CYS1: variants seen among roughly 807,000 people sequenced by gnomAD.
CYS1 encodes cystin 1.
A neutral mutation model predicts 9.6 loss-of-function variants in CYS1; 5 were observed. The observed-to-expected ratio is 0.52, with a 90% CI of 0.27 to 1.10. The LOEUF is 1.10. CYS1 is among the 50% of genes least tolerant of loss of function. The pLI is 0.11. For missense variants in CYS1, 221 were observed against 207.9 expected (o/e 1.06, Z -0.39); for synonymous variants, 88 against 95.7 (o/e 0.92, Z 0.47).
chr2:10,074,603 G>A lies in CYS1; in HGVS notation c.318+5303C>T, dbSNP rs533497564. Among the ~76,000 whole-genome samples, 7 of 152,252 alleles carry A rather than the reference G, an allele frequency of 4.6e-5. No homozygotes were observed. The South Asian group carries it at 1.0e-3, about 23-fold the overall frequency. On this transcript the variant is annotated intron_variant, in intron 1 of 2. Coordinates refer to ENST00000381813, the MANE Select transcript of CYS1 (RefSeq NM_001037160.3). Reference sequence around the variant, plus strand: ...TTTCTTTGCAATGCATGTTTTCAATGTCCCCTCATGTGCCTGTGTATTACC... The same window carrying A: ...TTTCTTTGCAATGCATGTTTTCAATATCCCCTCATGTGCCTGTGTATTACC...
rs1436504201 is a variant in CYS1, at chr2:10,065,956, C to T, written c.319G>A (p.Val107Met). 4 of 1,614,072 alleles carry T rather than the reference C, an allele frequency of 2.5e-6. No homozygotes were observed. The highest frequency in any genetic ancestry group is 2.2e-5 in the East Asian group (1 of 44,898). The change falls in exon 2 of 3, where the codon GTG becomes ATG. Residue 107 changes from valine to methionine, a missense_variant and splice_region_variant. Val to Met is a conservative substitution (Grantham distance 21). Transcript: ENST00000381813. ...LRPTAVAGSA[V>M]CAEQSTEGHP... ...CCCTCTGTGCTCTGCTCTGCGCACA[C>T]CTTGAGAAAGATGAAATGAAGAGAC... is the stretch of plus-strand genomic sequence containing the variant.
At position 10,072,062 on chromosome 2, in the gene CYS1, G is replaced by T. The variant is rs139123674; in HGVS notation, c.319-6106C>A. Among the ~76,000 whole-genome samples, 29 of 151,910 alleles carry T rather than the reference G, an allele frequency of 1.9e-4. 1 individual carries two copies. The highest frequency in any genetic ancestry group is 7.0e-4 in the African/African-American group (29 of 41,378). Reference sequence around the variant, plus strand: ...TTTGACTCTTAAAACTAAAGTTTTCGTGAAAATTAAAGTTTCAAAGGTTAC... The same window carrying T: ...TTTGACTCTTAAAACTAAAGTTTTCTTGAAAATTAAAGTTTCAAAGGTTAC... On this transcript the variant is annotated intron_variant, in intron 1 of 2. Transcript: ENST00000381813.
intron 2 of CYS1, among the ~76,000 whole-genome samples, chr2:10,062,906 CAG>C (rs747770058): frequency 5.9e-5 from 9 of 152,216 alleles, no homozygotes; most frequent in Middle Eastern, 3.2e-3. Context: ...CAGCTGCAGA[CAG>C]AAGTTTCTAG....
intron 2 of CYS1, among the ~76,000 whole-genome samples, chr2:10,064,810 C>T (rs1384942940): frequency 2.0e-5 from 3 of 151,970 alleles, no homozygotes; most frequent in African/African-American, 4.8e-5. Context: ...CTCCACCTCC[C>T]GGGTTCAAGT....
intron 1 of CYS1, among the ~76,000 whole-genome samples, chr2:10,069,392 C>T (rs920047726): frequency 5.3e-5 from 8 of 152,040 alleles, no homozygotes; most frequent in South Asian, 4.1e-4. Flanking sequence ...TTTTTTGCGA[C>T]GGAATCTTGC....
At chr2:10,066,060 A>C (rs1661690863) in intron 1 of CYS1, 104 bp from the exon 2 acceptor site, 2 of 1,284,772 alleles carry the variant, frequency 1.6e-6, no homozygotes, top group Non-Finnish European at 2.2e-6. Context: ...CTTTCAACCC[A>C]GGATCCATAA....
chr2:10,072,000 T>C (rs1661774277), intron 1 of CYS1, among the ~76,000 whole-genome samples: 1 of 152,108 alleles, frequency 6.6e-6, no homozygotes, highest in Admixed American at 6.5e-5. Flanking sequence ...GCAGAAAACA[T>C]ATGAGAATGA....
At chr2:10,065,870 G>C (rs1268276141) in intron 2 of CYS1, 34 bp downstream of exon 2, 1 of 1,612,298 alleles carries the variant, frequency 6.2e-7, no homozygotes, top group Non-Finnish European at 8.5e-7. Flanking sequence ...AGAACCCGTG[G>C]CTTCTGGGAG....
At chr2:10,071,953 G>T (rs1359782972) in intron 1 of CYS1, among the ~76,000 whole-genome samples, 1 of 152,180 alleles carries the variant, frequency 6.6e-6, no homozygotes, top group African/African-American at 2.4e-5. Context: ...AGATTCTAGG[G>T]GGGCTTTGGA....
intron 2 of CYS1, among the ~76,000 whole-genome samples, chr2:10,064,506 G>A (rs1462169389): frequency 6.6e-6 from 1 of 151,956 alleles, no homozygotes; most frequent in African/African-American, 2.4e-5. Context: ...TTCTAACATT[G>A]CCCAGAGCCG....
intron 1 of CYS1, among the ~76,000 whole-genome samples, chr2:10,077,162 C>T (rs574665917): frequency 2.0e-4 from 30 of 152,208 alleles, no homozygotes; most frequent in African/African-American, 5.3e-4. Flanking sequence ...CACCACCGCC[C>T]GCCAACCTGG....
intron 1 of CYS1, among the ~76,000 whole-genome samples, chr2:10,077,694 G>A (rs903423683): frequency 1.3e-5 from 2 of 151,972 alleles, no homozygotes; most frequent in African/African-American, 2.4e-5. Flanking sequence ...CCGTGGTGGC[G>A]CACATCTGTA....
rs997875053 is a variant in CYS1 at position 10,057,581 on chromosome 2, C to T, written c.*1272G>A. The T allele has an allele frequency of 6.6e-6, 1 of 152,358 alleles. No individual in the cohort carries two copies. The highest frequency in any genetic ancestry group is 1.5e-5 in the Non-Finnish European group (1 of 68,156). The allele number at this position is 152,358 out of a possible 1,614,324, so 9.4% of individuals were successfully genotyped here. A position where few individuals can be genotyped will look rare whatever the true frequency, so the allele number is the denominator to read the frequency against. ...GGGCGGGTCAAGCCAGATAACCAGG[C>T]TTGTACTGGCTTCAGCAGAAGCCGC... On this transcript the variant is annotated 3_prime_UTR_variant, in exon 3 of 3. Transcript: ENST00000381813.
At chr2:10,077,022 TTC>T (rs1200351724) in intron 1 of CYS1, among the ~76,000 whole-genome samples, 3 of 152,174 alleles carry the variant, frequency 2.0e-5, no homozygotes, top group African/African-American at 7.2e-5. Flanking sequence ...CTTCCACATT[TTC>T]TGTGTCTGTT....
At chr2:10,078,055 G>A (rs148489180) in intron 1 of CYS1, among the ~76,000 whole-genome samples, 661 of 151,734 alleles carry the variant, frequency 4.4e-3, no homozygotes, top group African/African-American at 0.013. Context: ...GCAGTGAGCC[G>A]GGATCACACC....
chr2:10,079,826 G>A (rs1279056636), intron 1 of CYS1, 80 bp downstream of exon 1: 14 of 918,632 alleles, frequency 1.5e-5, no homozygotes, highest in Non-Finnish European at 1.9e-5. Context: ...CGCGACCGGC[G>A]CCCAGGGCTG....
At chr2:10,078,678 C>A (rs13400445) in intron 1 of CYS1, among the ~76,000 whole-genome samples, 205 of 152,318 alleles carry the variant, frequency 1.3e-3, no homozygotes, top group African/African-American at 4.7e-3. Context: ...CCTTTTGATA[C>A]GGATCTCTCA....
chr2:10,060,891 A>G (rs531854759), intron 2 of CYS1, among the ~76,000 whole-genome samples: 5 of 152,346 alleles, frequency 3.3e-5, no homozygotes, highest in Admixed American at 6.5e-5. Context: ...CTGGGCACTA[A>G]GGAAGCACTC....
chr2:10,080,022 C>T lies in CYS1; in HGVS notation c.202G>A (p.Asp68Asn). The T allele has an allele frequency of 9.3e-7, 1 of 1,073,226 alleles. No individual in the cohort carries two copies. The highest frequency in any genetic ancestry group is 1.1e-6 in the Non-Finnish European group (1 of 887,516). The allele number at this position is 1,073,226 out of a possible 1,614,324, so 66.5% of individuals were successfully genotyped here. A position where few individuals can be genotyped will look rare whatever the true frequency, so the allele number is the denominator to read the frequency against. Residue 68 changes from aspartate (D) to asparagine (N), a missense_variant, in exon 1 of 3, where the codon GAC becomes AAC. Transcript: ENST00000381813. This position sits in a 1 kb window ranked among gnomAD's most constrained non-coding sequence, Gnocchi z 6.4. Reference protein sequence around the residue: ...PSPVAPPDGRDETLRLLDELL... With the variant: ...PSPVAPPDGRNETLRLLDELL... ...TCGTCCAGCAGGCGCAGCGTCTCGT[C>T]CCTGCCGTCGGGGGGCGCCACGGGG...
Sources: allele counts gnomAD v4.1 joint callset (sites outside exome capture counted in the v4.1 genomes callset), GRCh38; gene constraint gnomAD v4.1.1; non-coding constraint Gnocchi (gnomAD v3.1); transcripts MANE v1.5; gene names NCBI Gene and HGNC (gene_info 2026-07-23, HGNC 2026-07-21).